The following MPZL3 variants were observed in gnomAD, a reference collection of about 807,000 sequenced individuals.
MPZL3 encodes myelin protein zero-like protein 3.
In MPZL3, 23 loss-of-function variants were observed where a neutral mutation model predicts 24.8. The ratio of observed to expected loss-of-function variants is 0.93; its 90% CI spans 0.67 to 1.31. The LOEUF (loss-of-function observed/expected upper bound fraction) is 1.31, where lower values mean the gene tolerates loss of function less well. Among genes scored for constraint, MPZL3 ranks in the 40% most tolerant of loss-of-function variants. The probability of loss-of-function intolerance (pLI) is 0.00; values close to 1 mark genes in which losing one functional copy is unlikely to be tolerated. For missense variants in MPZL3, 277 were observed against 294.9 expected, an observed-to-expected ratio of 0.94 and a Z score of 0.44; for synonymous variants, 99 against 106.5, an observed-to-expected ratio of 0.93 and a Z score of 0.44.
intron 1 of MPZL3, among the ~76,000 whole-genome samples, chr11:118,240,783 A>G (rs10892229): frequency 7.1e-6 from 1 of 140,440 alleles, no homozygotes; most frequent in African/African-American, 2.7e-5. Flanking sequence ...ACACACACAC[A>G]CTCTGGGAAT....
chr11:118,249,098 A>G (rs2134718624), intron 1 of MPZL3, among the ~76,000 whole-genome samples: 1 of 152,250 alleles, frequency 6.6e-6, no homozygotes, highest in Non-Finnish European at 1.5e-5. Flanking sequence ...GCTGGAGTGC[A>G]GTGGCGTGAT....
intron 4 of MPZL3, 66 bp from the exon 5 acceptor site, chr11:118,233,589 T>C: frequency 1.3e-6 from 2 of 1,532,934 alleles, no homozygotes; most frequent in Non-Finnish European, 9.0e-7. Context: ...CAGTTGAAAG[T>C]ACAGGTGTTG....
intron 1 of MPZL3, among the ~76,000 whole-genome samples, chr11:118,250,360 T>A (rs1002108882): frequency 6.6e-6 from 1 of 151,898 alleles, no homozygotes; most frequent in African/African-American, 2.4e-5. Context: ...TACAAAAAAA[T>A]AGACTGGTGG....
Position 118,229,233 on chromosome 11 carries a change from T to C in MPZL3, c.*661A>G, listed in dbSNP as rs1413588859. On this transcript the variant is annotated 3_prime_UTR_variant, in exon 6 of 6. Coordinates refer to ENST00000278949, the MANE Select transcript of MPZL3 (RefSeq NM_198275.3). The stretch of plus-strand genomic sequence containing the variant: ...AATAATTTTTCTACTTCACGATTCC[T>C]TTCCTTAACTGTAAATTGATGACAC... 2.0e-5 allele frequency: 3 copies of C among 152,100 alleles called. No individual in the cohort carries two copies. The highest frequency in any genetic ancestry group is 7.2e-5 in the African/African-American group (3 of 41,404). 9.4% of individuals were successfully genotyped at this position (152,100 alleles called of 1,614,324 possible).
rs981609433 is a variant in MPZL3 at position 118,235,447 on chromosome 11, C to T, written c.594G>A (p.Lys198=). 1.2e-5 allele frequency: 20 copies of T among 1,613,740 alleles called. No individual in the cohort carries two copies. In the African/African-American group the frequency reaches 2.4e-4, roughly 19 times the overall value. ...ACTCATCGGAAACCTCAATAGATGA[C>T]TTCTTATAGCCAGACCTGCTCCTCT... ...LKKRSRSGYK[K]SSIEVSDDTD... The change falls in exon 4 of 6, where the codon AAG becomes AAA. Residue 198 remains lysine, a synonymous_variant. Coordinates refer to ENST00000278949, the MANE Select transcript of MPZL3 (RefSeq NM_198275.3).
At chr11:118,242,237 A>G (rs2134709638) in intron 1 of MPZL3, among the ~76,000 whole-genome samples, 1 of 152,322 alleles carries the variant, frequency 6.6e-6, no homozygotes, top group Middle Eastern at 3.4e-3. Flanking sequence ...TCAAGCTTCA[A>G]TGTCTTCACT....
chr11:118,242,314 A>C (rs1212591150), intron 1 of MPZL3, among the ~76,000 whole-genome samples: 1 of 152,226 alleles, frequency 6.6e-6, no homozygotes, highest in Non-Finnish European at 1.5e-5. Context: ...ACAATCAAAA[A>C]AGAAAATTTT....
At chr11:118,237,562 A>G (rs891729799) in intron 2 of MPZL3, among the ~76,000 whole-genome samples, 4 of 152,134 alleles carry the variant, frequency 2.6e-5, no homozygotes, top group Non-Finnish European at 5.9e-5. Flanking sequence ...ATATCTGAAG[A>G]CATTTTTGAT....
chr11:118,243,191 C>T (rs1013792475), intron 1 of MPZL3, among the ~76,000 whole-genome samples: 10 of 152,152 alleles, frequency 6.6e-5, no homozygotes, highest in Admixed American at 1.3e-4. Flanking sequence ...GCCTGGCAAA[C>T]GTTTAACTGG....
chr11:118,233,733 C>G (rs900873083), intron 4 of MPZL3, among the ~76,000 whole-genome samples: 3 of 152,142 alleles, frequency 2.0e-5, no homozygotes, highest in African/African-American at 7.2e-5. Flanking sequence ...GTGGCTCATG[C>G]CTGTAATCCC....
At chr11:118,230,564 C>T (rs1949338472) in intron 5 of MPZL3, among the ~76,000 whole-genome samples, 1 of 152,138 alleles carries the variant, frequency 6.6e-6, no homozygotes, top group Non-Finnish European at 1.5e-5. Context: ...TCAAGTGGGC[C>T]ATTAGCACTA....
At chr11:118,244,643 GTGGC>G (rs1777975039) in intron 1 of MPZL3, among the ~76,000 whole-genome samples, 1 of 152,186 alleles carries the variant, frequency 6.6e-6, no homozygotes, top group Non-Finnish European at 1.5e-5. Flanking sequence ...AGAATGAGAT[GTGGC>G]TGGGAGGTAA....
At position 118,241,682 on chromosome 11, in the gene MPZL3, T is replaced by C. The variant is rs536970924; in HGVS notation, c.74-1305A>G. Among the ~76,000 whole-genome samples the C allele has an allele frequency of 3.9e-5, 6 of 152,308 alleles. No homozygotes were observed. In the South Asian group the frequency reaches 1.2e-3, roughly 32 times the overall value. ...GTCCTGCCCACACACTCTCAACCTT[T>C]CCTGTCACAGTTATGAGTCATCAGT... On this transcript the variant is annotated intron_variant, in intron 1 of 5. Transcript: ENST00000278949.
intron 2 of MPZL3, among the ~76,000 whole-genome samples, chr11:118,239,885 C>T (rs1312994185): frequency 6.6e-6 from 1 of 152,126 alleles, no homozygotes; most frequent in African/African-American, 2.4e-5. Context: ...ATTCAATAGT[C>T]CTGAAGGTAC....
intron 1 of MPZL3, among the ~76,000 whole-genome samples, chr11:118,247,227 TAGAGA>T (rs1861141464): frequency 6.6e-6 from 1 of 151,882 alleles, no homozygotes; most frequent in Non-Finnish European, 1.5e-5. Flanking sequence ...AAGAGTAGAG[TAGAGA>T]AAAGAATGAG....
At chr11:118,244,746 T>G (rs1949537906) in intron 1 of MPZL3, among the ~76,000 whole-genome samples, 1 of 152,196 alleles carries the variant, frequency 6.6e-6, no homozygotes, top group Non-Finnish European at 1.5e-5. Context: ...ACTGTGGGAC[T>G]GGGCAAGAAG....
intron 1 of MPZL3, among the ~76,000 whole-genome samples, chr11:118,246,103 C>T (rs1949553780): frequency 6.6e-6 from 1 of 152,192 alleles, no homozygotes. Context: ...ATCTCTGTCT[C>T]CCCACATCTC....
intron 2 of MPZL3, 95 bp from the exon 3 acceptor site, chr11:118,237,355 T>G (rs1573560): frequency 1.9e-5 from 22 of 1,139,878 alleles, no homozygotes. Flanking sequence ...AACTGTATAA[T>G]GGTGTGTTTT....
rs1215905290 is a variant in MPZL3 at position 118,229,846 on chromosome 11, G to C, written c.*48C>G. 6.3e-7 allele frequency: 1 copy of C among 1,599,434 alleles called. No homozygotes were observed. The highest frequency in any genetic ancestry group is 8.6e-7 in the Non-Finnish European group (1 of 1,167,442). On this transcript the variant is annotated 3_prime_UTR_variant, in exon 6 of 6. Transcript: ENST00000278949. The stretch of plus-strand genomic sequence containing the variant: ...CAGGCTTTAGCTGCCAGTGGAATGG[G>C]ATGTTTCCTGTCTTTAGGTGACTCT...
Sources: allele counts gnomAD v4.1 joint callset (sites outside exome capture counted in the v4.1 genomes callset), GRCh38; gene constraint gnomAD v4.1.1; transcripts MANE v1.5; gene names NCBI Gene and HGNC (gene_info 2026-07-23, HGNC 2026-07-21).